The following MYOM3 variants were observed in gnomAD, a reference collection of about 807,000 sequenced individuals.
MYOM3 encodes myomesin 3.
MYOM3 carries 155 observed loss-of-function variants against 191.7 expected under a neutral mutation model. The observed-to-expected ratio is 0.81, with a 90% CI of 0.71 to 0.92. The LOEUF (loss-of-function observed/expected upper bound fraction) is 0.92. Ranked by LOEUF, MYOM3 falls within the 40% of genes least tolerant of loss-of-function variation. MYOM3 has a pLI of 0.00. For synonymous variants in MYOM3, 757 were observed against 762.9 expected, an observed-to-expected ratio of 0.99 and a Z score of 0.13; for missense variants, 1,889 against 1,890.6, an observed-to-expected ratio of 1.00 and a Z score of 0.02.
At position 24,074,278 on chromosome 1, in the gene MYOM3, G is replaced by C. The variant is rs188113563; in HGVS notation, c.2859-9C>G. The C allele has an allele frequency of 3.3e-3, 5,324 of 1,608,516 alleles. 18 individuals are homozygous for C. Among genetic ancestry groups the C allele is most frequent in the Middle Eastern group, 8.3e-3 (50 of 6,050 alleles). On this transcript the variant is annotated splice_polypyrimidine_tract_variant and intron_variant, in intron 22 of 36. Coordinates refer to ENST00000374434, the MANE Select transcript of MYOM3 (RefSeq NM_152372.4). ...TCAGGATGACCTTGGACCTGGCAGA[G>C]AGAGGAGAGCAGAGGCTCTGGGAGG...
At chr1:24,074,869 G>T (rs1179776295) in intron 22 of MYOM3, among the ~76,000 whole-genome samples, 1 of 152,188 alleles carries the variant, frequency 6.6e-6, no homozygotes, top group Non-Finnish European at 1.5e-5. Context: ...AGGATTGGTT[G>T]AGCTCAGGAG....
At position 24,062,056 on chromosome 1, in the gene MYOM3, T is replaced by C; in HGVS notation, c.3824A>G (p.Glu1275Gly). 1 of 1,614,158 alleles carries C rather than the reference T, an allele frequency of 6.2e-7. No homozygotes were observed. Among genetic ancestry groups the C allele is most frequent in the Non-Finnish European group, 8.5e-7 (1 of 1,180,026 alleles). ...DRIRTGTTLD[E>G]IWLHILDPKD... ...GGGGTCCAGGATGTGAAGCCAGATC[T>C]CATCCAGGGTGGTGCCCGTCCTTAT... The change falls in exon 33 of 37, where the codon GAG (glutamate) becomes GGG (glycine). Residue 1275 changes from glutamate (E) to glycine (G), a missense_variant. Transcript: ENST00000374434.
chr1:24,067,661 C>T (rs1205733090), intron 27 of MYOM3, among the ~76,000 whole-genome samples: 6 of 152,004 alleles, frequency 3.9e-5, no homozygotes, highest in African/African-American at 1.2e-4. Context: ...AGGGTTTCAC[C>T]ATGTTGGCCA....
intron 33 of MYOM3, 45 bp downstream of exon 33, chr1:24,061,901 G>A (rs772374603): frequency 3.7e-6 from 6 of 1,610,486 alleles, no homozygotes; most frequent in Non-Finnish European, 5.1e-6. Flanking sequence ...CTGTCCATGG[G>A]ATTTTCTAAG....
At chr1:24,074,316 C>A in intron 22 of MYOM3, 47 bp from the exon 23 acceptor site, 1 of 1,469,846 alleles carries the variant, frequency 6.8e-7, no homozygotes, top group Admixed American at 1.7e-5. Context: ...CTCCTTGGTC[C>A]TGTGCACTAG....
rs149660034 is a variant in MYOM3 at position 24,068,111 on chromosome 1, G to C, written c.3296-82C>G. 1.9e-4 allele frequency: 301 copies of C among 1,581,678 alleles called. No homozygotes were observed. In the African/African-American group the frequency reaches 3.7e-3, roughly 20 times the overall value. On this transcript the variant is annotated intron_variant, in intron 26 of 36. Transcript: ENST00000374434. Reference sequence around the variant, plus strand: ...GGGACATGGGGTGGACAGAAGTCGAGGGGGCTGTGCTCAGCAGGCTGCAGA... The same window carrying C: ...GGGACATGGGGTGGACAGAAGTCGACGGGGCTGTGCTCAGCAGGCTGCAGA...
rs1643686196 is a variant in MYOM3, at chr1:24,082,606, G to C, written c.2079C>G (p.Val693=). ...CCTTGGACTCACCCAGAGCCTGCTT[G>C]ACCCTGATGGGCTCGGTGGCGGCTG... ...ESSAATEPIR[V]KQALATPSAP... Residue 693 remains valine, a synonymous_variant, in exon 17 of 37, where the codon GTC becomes GTG. Coordinates refer to ENST00000374434, the MANE Select transcript of MYOM3 (RefSeq NM_152372.4). 1 of 1,607,114 alleles carries C rather than the reference G, an allele frequency of 6.2e-7. No homozygotes were observed. Among genetic ancestry groups the C allele is most frequent in the African/African-American group, 1.3e-5 (1 of 74,614 alleles).
chr1:24,065,866 G>A (rs1643427447), intron 29 of MYOM3, 25 bp downstream of exon 29: 3 of 1,518,246 alleles, frequency 2.0e-6, no homozygotes, highest in Non-Finnish European at 2.7e-6. Context: ...GAGAAAGTGA[G>A]CCCTGAAGCT....
At position 24,086,773 on chromosome 1, in the gene MYOM3, A is replaced by T. The variant is rs1432033704; in HGVS notation, c.1669T>A (p.Ser557Thr). Residue 557 changes from serine to threonine, a missense_variant, in exon 15 of 37, where the codon TCC becomes ACC. Ser to Thr is a moderately conservative substitution (Grantham distance 58). Coordinates refer to ENST00000374434, the MANE Select transcript of MYOM3 (RefSeq NM_152372.4). ...EAISSESPVRSPRFAVLDLEK... is the reference protein window; with the variant it reads ...EAISSESPVRTPRFAVLDLEK... ...AGGTCCAGAACGGCGAATCTCGGGG[A>T]TCTCACAGGGCTTTCCGAGCTGATG... 1 of 1,614,036 alleles carries T rather than the reference A, an allele frequency of 6.2e-7. No homozygotes were observed. The highest frequency in any genetic ancestry group is 8.5e-7 in the Non-Finnish European group (1 of 1,179,984).
At position 24,075,389 on chromosome 1, in the gene MYOM3, ACT is replaced by A. The variant is rs759157765; in HGVS notation, c.2786_2787del (p.Glu929ValfsTer21). On this transcript the variant is annotated frameshift_variant, in exon 22 of 37. Coordinates refer to ENST00000374434, the MANE Select transcript of MYOM3 (RefSeq NM_152372.4). LOFTEE classifies it high-confidence loss of function. ...CCCTTGTAGTCTTTGGACCACTGAA[ACT>A]CTGAGGAGTCGGGGGCTTCAGGGGC... is the stretch of plus-strand genomic sequence containing the variant. The part of the protein sequence containing the change: ...FEAPEAPDSS[E>X]FQWSKDYKGP... The A allele has an allele frequency of 1.2e-6, 2 of 1,612,646 alleles. No individual in the cohort carries two copies. The highest frequency in any genetic ancestry group is 1.7e-6 in the Non-Finnish European group (2 of 1,179,674).
intron 5 of MYOM3, among the ~76,000 whole-genome samples, chr1:24,104,564 C>G (rs6703794): frequency 0.14 from 21,013 of 152,096 alleles, 2,033 homozygotes; most frequent in African/African-American, 0.28. Flanking sequence ...CAACCTCCGC[C>G]TCCCGGGTTC....
chr1:24,066,119 C>A (rs1485155521), intron 28 of MYOM3, 118 bp from the exon 29 acceptor site: 1 of 755,630 alleles, frequency 1.3e-6, no homozygotes, highest in East Asian at 2.5e-5. Flanking sequence ...TGTGTCTCCT[C>A]TGCTGGCCTC....
chr1:24,077,337 G>A (rs1216573270), intron 20 of MYOM3, among the ~76,000 whole-genome samples: 1 of 152,144 alleles, frequency 6.6e-6, no homozygotes, highest in Non-Finnish European at 1.5e-5. Context: ...TTTCGAGGTC[G>A]AGTACCTATA....
chr1:24,105,930 G>A lies in MYOM3; in HGVS notation c.550C>T (p.Gln184Ter), dbSNP rs1450457260. 6.2e-7 allele frequency: 1 copy of A among 1,605,736 alleles called. No individual in the cohort carries two copies. Among genetic ancestry groups the A allele is most frequent in the Non-Finnish European group, 8.5e-7 (1 of 1,175,242 alleles). Residue 184 changes from glutamine (Q) to a stop codon, truncating the protein, a stop_gained, in exon 5 of 37, where the codon CAG (glutamine) becomes TAG (stop). Coordinates refer to ENST00000374434, the MANE Select transcript of MYOM3 (RefSeq NM_152372.4). LOFTEE classifies it high-confidence loss of function. ...GCCCCAGCGGCTTACCAGGTGACCT[G>A]GGGTGGTGGTGAGGCCTGGACAGTG... ...TCTVQASPPP[Q>*]VTWYKNDTRI...
intron 15 of MYOM3, 85 bp from the exon 16 acceptor site, chr1:24,084,724 GC>G: frequency 8.2e-7 from 1 of 1,224,202 alleles, no homozygotes; most frequent in African/African-American, 1.5e-5. Context: ...ATGGGGAGAG[GC>G]CAGAAGGAGC....
In MYOM3 at chr1:24,099,792, G is replaced by T. The variant is rs770775362; in HGVS notation, c.561-17C>A. The T allele has an allele frequency of 6.3e-7, 1 of 1,599,400 alleles. No individual in the cohort carries two copies. Among genetic ancestry groups the T allele is most frequent in the East Asian group, 2.2e-5 (1 of 44,770 alleles). On this transcript the variant is annotated splice_polypyrimidine_tract_variant and intron_variant, in intron 5 of 36. Transcript: ENST00000374434. ...TTTTTGTACCTGTGGGGACATAGCG[G>T]TCTGTGGCAGGCAGGGTGGTTCTAA... is the stretch of plus-strand genomic sequence containing the variant.
At chr1:24,086,273 C>A (rs1643737248) in intron 15 of MYOM3, among the ~76,000 whole-genome samples, 2 of 152,020 alleles carry the variant, frequency 1.3e-5, no homozygotes, top group Non-Finnish European at 2.9e-5. Context: ...CAGCTCAACC[C>A]CCACCAGACA....
At chr1:24,105,047 C>T (rs975003183) in intron 5 of MYOM3, among the ~76,000 whole-genome samples, 23 of 152,314 alleles carry the variant, frequency 1.5e-4, no homozygotes, top group African/African-American at 5.3e-4. Context: ...ATGCCTACTC[C>T]AATGTGTGCC....
At chr1:24,080,316 G>A (rs1207912481) in intron 19 of MYOM3, 122 bp from the exon 20 acceptor site, 1 of 770,656 alleles carries the variant, frequency 1.3e-6, no homozygotes, top group Non-Finnish European at 2.0e-6. Flanking sequence ...AGTCAAGCCA[G>A]GAAGGGCCTG....
Sources: allele counts gnomAD v4.1 joint callset (sites outside exome capture counted in the v4.1 genomes callset), GRCh38; gene constraint gnomAD v4.1.1; transcripts MANE v1.5; gene names NCBI Gene and HGNC (gene_info 2026-07-23, HGNC 2026-07-21).